Variants in IL1RAPL2 observed in about 807,000 individuals in gnomAD.
IL1RAPL2 encodes X-linked interleukin-1 receptor accessory protein-like 2.
A neutral mutation model predicts 44.1 loss-of-function variants in IL1RAPL2; 3 were observed. The observed-to-expected ratio is 0.07, with a 90% CI of 0.03 to 0.18. The LOEUF (loss-of-function observed/expected upper bound fraction) is 0.18. IL1RAPL2 is among the 10% of genes least tolerant of loss of function. IL1RAPL2 has a pLI of 1.00. For synonymous variants in IL1RAPL2, 181 were observed against 178.8 expected, an observed-to-expected ratio of 1.01 and a Z score of -0.10; for missense variants, 391 against 496.4, an observed-to-expected ratio of 0.79 and a Z score of 2.02.
intron 2 of IL1RAPL2, among the ~76,000 whole-genome samples, chrX:104,875,985 A>G (rs993959268): frequency 1.8e-5 from 2 of 111,082 alleles, no homozygotes; most frequent in African/African-American, 6.5e-5. Flanking sequence ...CAGTAACTTT[A>G]AAGATATTGG....
intron 2 of IL1RAPL2, among the ~76,000 whole-genome samples, chrX:105,061,178 C>T (rs939221886): frequency 1.1e-4 from 12 of 111,293 alleles, no homozygotes; most frequent in African/African-American, 3.9e-4. Flanking sequence ...GAACTTATTA[C>T]TATAAACTTT....
intron 2 of IL1RAPL2, among the ~76,000 whole-genome samples, chrX:105,099,632 T>A (rs1219962902): frequency 4.7e-5 from 5 of 106,909 alleles, no homozygotes; most frequent in African/African-American, 1.4e-4. Flanking sequence ...GCCTGGCTAT[T>A]TTTTTTTGTA....
At chrX:104,809,868 G>A (rs1480268132) in intron 2 of IL1RAPL2, among the ~76,000 whole-genome samples, 1 of 111,137 alleles carries the variant, frequency 9.0e-6, no homozygotes, top group African/African-American at 3.3e-5. Context: ...ATTCCTCAGG[G>A]ATCTAGAACT....
intron 5 of IL1RAPL2, chrX:105,405,846 A>G: frequency 8.5e-7 from 1 of 1,179,548 alleles, no homozygotes; most frequent in Non-Finnish European, 1.2e-6. Context: ...TGTGGCCAGC[A>G]GTAAACTCGG....
intron 2 of IL1RAPL2, among the ~76,000 whole-genome samples, chrX:104,980,495 T>C (rs2030417445): frequency 8.9e-6 from 1 of 112,503 alleles, no homozygotes; most frequent in Admixed American, 9.4e-5. Context: ...CTCTATTTTA[T>C]CTCTAAATAG....
intron 2 of IL1RAPL2, among the ~76,000 whole-genome samples, chrX:104,878,627 T>C (rs1422449077): frequency 8.9e-6 from 1 of 111,755 alleles, no homozygotes; most frequent in African/African-American, 3.2e-5. Flanking sequence ...AACTTATAAG[T>C]GTGTCAAGTA....
chrX:105,428,594 C>G (rs2035827092), intron 5 of IL1RAPL2, among the ~76,000 whole-genome samples: 2 of 111,626 alleles, frequency 1.8e-5, no homozygotes, highest in African/African-American at 6.5e-5. Flanking sequence ...TGAAAACAAT[C>G]AATGGTATTT....
At chrX:105,402,887 C>T (rs2035616000) in intron 5 of IL1RAPL2, among the ~76,000 whole-genome samples, 2 of 111,698 alleles carry the variant, frequency 1.8e-5, no homozygotes, top group Non-Finnish European at 3.8e-5. Flanking sequence ...CATTTATTAA[C>T]TCATAACAGA....
Position 105,767,402 on chromosome X carries a change from C to A in IL1RAPL2, c.1802C>A (p.Ala601Asp). Residue 601 changes from alanine to aspartate, a missense_variant, in exon 11 of 11, where the codon GCT becomes GAT. Coordinates refer to ENST00000372582, the MANE Select transcript of IL1RAPL2 (RefSeq NM_017416.2). ...STSATLVSSQ[A>D]DLPEFHPSDS... ...TCAGCCACTCTGGTGTCATCTCAGG[C>A]TGATCTCCCTGAATTCCACCCTTCA... 8.3e-7 allele frequency: 1 copy of A among 1,210,894 alleles called. No individual in the cohort carries two copies. Among genetic ancestry groups the A allele is most frequent in the South Asian group, 1.8e-5 (1 of 56,960 alleles).
At chrX:105,344,631 A>G (rs1024874735) in intron 5 of IL1RAPL2, among the ~76,000 whole-genome samples, 45 of 112,046 alleles carry the variant, frequency 4.0e-4, no homozygotes, top group African/African-American at 1.4e-3. Flanking sequence ...TAGTTCATTC[A>G]TAGGACAAGT....
chrX:104,885,023 A>G (rs1317544891), intron 2 of IL1RAPL2, among the ~76,000 whole-genome samples: 1 of 111,887 alleles, frequency 8.9e-6, no homozygotes, highest in African/African-American at 3.2e-5. Context: ...AAGCAGATCA[A>G]GGAGACCTGG....
At chrX:105,126,749 A>T (rs1350455280) in intron 2 of IL1RAPL2, among the ~76,000 whole-genome samples, 1 of 111,134 alleles carries the variant, frequency 9.0e-6, no homozygotes, top group East Asian at 2.8e-4. Flanking sequence ...CTCATTATAG[A>T]TGTGTAGGTC....
chrX:104,914,804 G>C (rs965784479), intron 2 of IL1RAPL2, among the ~76,000 whole-genome samples: 4 of 110,347 alleles, frequency 3.6e-5, no homozygotes, highest in African/African-American at 1.3e-4. Context: ...CTATGAGTGA[G>C]AACATGCGGT....
chrX:104,693,606 G>C (rs1345219689), intron 2 of IL1RAPL2, among the ~76,000 whole-genome samples: 1 of 111,998 alleles, frequency 8.9e-6, no homozygotes, highest in Non-Finnish European at 1.9e-5. Context: ...AAAGCACACA[G>C]ATGTTTGAGC....
At chrX:104,851,579 G>T (rs938077648) in intron 2 of IL1RAPL2, among the ~76,000 whole-genome samples, 1 of 111,635 alleles carries the variant, frequency 9.0e-6, no homozygotes, top group Non-Finnish European at 1.9e-5. Flanking sequence ...AGGAACTCAC[G>T]AAAATAGAGA....
intron 2 of IL1RAPL2, among the ~76,000 whole-genome samples, chrX:105,088,713 A>C (rs1011398464): frequency 1.8e-5 from 2 of 111,781 alleles, no homozygotes; most frequent in Non-Finnish European, 3.8e-5. Flanking sequence ...GTATGCTTAA[A>C]TAGAGACCCA....
At chrX:104,919,890 G>C (rs1281418526) in intron 2 of IL1RAPL2, among the ~76,000 whole-genome samples, 2 of 110,074 alleles carry the variant, frequency 1.8e-5, no homozygotes, top group Non-Finnish European at 3.8e-5. Flanking sequence ...ATTCTGTTTG[G>C]GCTCAGACTG....
At chrX:104,668,348 T>G (rs1011941925) in intron 2 of IL1RAPL2, among the ~76,000 whole-genome samples, 3 of 108,732 alleles carry the variant, frequency 2.8e-5, no homozygotes, top group African/African-American at 1.0e-4. Context: ...TATTATACTT[T>G]AATTTTTAGG....
At chrX:105,704,628 T>C (rs180687208) in intron 6 of IL1RAPL2, among the ~76,000 whole-genome samples, 108 of 111,814 alleles carry the variant, frequency 9.7e-4, no homozygotes, top group East Asian at 8.5e-3. Flanking sequence ...TTCTTTTAAA[T>C]TTTATTTTTA....
Sources: gnomAD v4.1 joint callset for allele counts (sites outside exome capture counted in the v4.1 genomes callset) on GRCh38, gnomAD v4.1.1 for gene constraint, MANE v1.5 for transcripts, NCBI Gene and HGNC (gene_info 2026-07-23, HGNC 2026-07-21) for gene names.